Variants in NR5A2 observed in about 807,000 individuals in gnomAD.
NR5A2 encodes the protein CYP7A promoter-binding factor.
In NR5A2, 26 loss-of-function variants were observed where a neutral mutation model predicts 62.7. The ratio of observed to expected loss-of-function variants is 0.41; its 90% CI spans 0.30 to 0.58. NR5A2 has a LOEUF of 0.58. Ranked by LOEUF, NR5A2 falls within the 20% of genes least tolerant of loss-of-function variation. The pLI is 0.22. For missense variants in NR5A2, 541 were observed against 669.1 expected (o/e 0.81, Z 2.11); for synonymous variants, 246 against 241.7 (o/e 1.02, Z -0.16).
intron 5 of NR5A2, among the ~76,000 whole-genome samples, chr1:200,085,813 A>C (rs1664498257): frequency 6.6e-6 from 1 of 152,244 alleles, no homozygotes; most frequent in South Asian, 2.1e-4. Flanking sequence ...TTTCCAAAAC[A>C]AAAATTACAT....
intron 5 of NR5A2, among the ~76,000 whole-genome samples, chr1:200,099,001 C>T (rs1665240080): frequency 6.6e-6 from 1 of 152,220 alleles, no homozygotes; most frequent in Admixed American, 6.5e-5. Context: ...TCAATTGCTA[C>T]TACTTTCTAT....
intron 5 of NR5A2, among the ~76,000 whole-genome samples, chr1:200,069,970 G>T (rs1477350420): frequency 6.6e-6 from 1 of 151,988 alleles, no homozygotes; most frequent in Non-Finnish European, 1.5e-5. Context: ...GCTCTCCAGA[G>T]CTGTAAGTTC....
chr1:200,127,493 A>G (rs941837914), intron 7 of NR5A2, among the ~76,000 whole-genome samples: 8 of 151,452 alleles, frequency 5.3e-5, no homozygotes, highest in Non-Finnish European at 1.2e-4. Context: ...CCTGGTCAAC[A>G]TGGTGAAACC....
chr1:200,087,577 A>G (rs1314152000), intron 5 of NR5A2, among the ~76,000 whole-genome samples: 3 of 150,886 alleles, frequency 2.0e-5, no homozygotes, highest in Non-Finnish European at 2.9e-5. Context: ...TTGTATTTTC[A>G]GTAGAGACAG....
intron 5 of NR5A2, among the ~76,000 whole-genome samples, chr1:200,068,533 A>G (rs1035530753): frequency 5.3e-5 from 8 of 152,220 alleles, no homozygotes; most frequent in Non-Finnish European, 1.0e-4. Flanking sequence ...AGCCCAAGTC[A>G]GTGGTCCCTT....
At position 200,048,386 on chromosome 1, in the gene NR5A2, C is replaced by A; in HGVS notation, c.678C>A (p.Asn226Lys). ...IHSASKGLPLNHAALPPTDYD... is the reference protein window; with the variant it reads ...IHSASKGLPLKHAALPPTDYD... ...CTGCCTCCAAAGGCCTACCTCTGAA[C>A]CATGCTGCCTTGCCTCCTACAGACT... The change falls in exon 5 of 8, where the codon AAC becomes AAA. Residue 226 changes from asparagine to lysine, a missense_variant. Physicochemically the swap from Asn to Lys is moderately conservative, Grantham distance 94 (BLOSUM62 0). Coordinates refer to ENST00000367362, the MANE Select transcript of NR5A2 (RefSeq NM_205860.3). The surrounding 1 kb of genome is among the most constrained non-coding windows in gnomAD (Gnocchi z 4.8). 1.2e-6 allele frequency: 2 copies of A among 1,614,208 alleles called. No individual in the cohort carries two copies. The highest frequency in any genetic ancestry group is 1.1e-5 in the South Asian group (1 of 91,088).
At chr1:200,073,905 A>T (rs1321054492) in intron 5 of NR5A2, among the ~76,000 whole-genome samples, 1 of 152,178 alleles carries the variant, frequency 6.6e-6, no homozygotes, top group African/African-American at 2.4e-5. Flanking sequence ...AGAATGGGCA[A>T]TGGGTGTATA....
At chr1:200,143,638 ATTTT>A (rs11285826) in intron 7 of NR5A2, among the ~76,000 whole-genome samples, 3 of 103,292 alleles carry the variant, frequency 2.9e-5, no homozygotes, top group Admixed American at 1.1e-4. Context: ...ATTGTTCATA[ATTTT>A]TTTTTTTTTT....
At chr1:200,088,230 T>TG (rs2102247474) in intron 5 of NR5A2, among the ~76,000 whole-genome samples, 1 of 150,184 alleles carries the variant, frequency 6.7e-6, no homozygotes, top group African/African-American at 2.5e-5. Flanking sequence ...TTGTTGTTGT[T>TG]TTTGTTTTTG....
At chr1:200,065,385 C>G (rs2816915) in intron 5 of NR5A2, among the ~76,000 whole-genome samples, 1 of 151,996 alleles carries the variant, frequency 6.6e-6, no homozygotes, top group African/African-American at 2.4e-5. Flanking sequence ...CTCAGGTGAT[C>G]CACCACCTCG....
At chr1:200,117,774 C>T (rs893671513) in intron 6 of NR5A2, among the ~76,000 whole-genome samples, 20 of 151,538 alleles carry the variant, frequency 1.3e-4, no homozygotes, top group African/African-American at 3.6e-4. Context: ...AGTGCAATGG[C>T]GCAATCTCGG....
chr1:200,079,067 A>G (rs1409308772), intron 5 of NR5A2, among the ~76,000 whole-genome samples: 1 of 152,212 alleles, frequency 6.6e-6, no homozygotes, highest in African/African-American at 2.4e-5. Flanking sequence ...CATGTTACAG[A>G]AATGGCCCCA....
intron 5 of NR5A2, among the ~76,000 whole-genome samples, chr1:200,058,682 T>C (rs1012665125): frequency 6.8e-6 from 1 of 147,274 alleles, no homozygotes; most frequent in African/African-American, 2.5e-5. Context: ...TTTCACCACG[T>C]TGGCCAGGCT....
At position 200,074,135 on chromosome 1, in the gene NR5A2, CA is replaced by C. The variant is rs542586714; in HGVS notation, c.1110+25319del. Among the ~76,000 whole-genome samples, 569 of 152,194 alleles carry C rather than the reference CA, an allele frequency of 3.7e-3. 6 individuals are homozygous for C. Among genetic ancestry groups the C allele is most frequent in the African/African-American group, 0.013 (542 of 41,546 alleles). On this transcript the variant is annotated intron_variant, in intron 5 of 7. Coordinates refer to ENST00000367362, the MANE Select transcript of NR5A2 (RefSeq NM_205860.3). ...AAAGTATGCTAAAAAGCATAAAAAA[CA>C]ATATAAATAGTCTATTAGTAATGAA...
At chr1:200,126,541 A>T (rs926101016) in intron 7 of NR5A2, among the ~76,000 whole-genome samples, 2 of 152,204 alleles carry the variant, frequency 1.3e-5, no homozygotes, top group African/African-American at 4.8e-5. Flanking sequence ...GGAATTGAAA[A>T]TAATTAGCTA....
chr1:200,157,262 A>T (rs1389741594), intron 7 of NR5A2, among the ~76,000 whole-genome samples: 1 of 152,226 alleles, frequency 6.6e-6, no homozygotes, highest in Non-Finnish European at 1.5e-5. Flanking sequence ...AAATCACTTC[A>T]ATGCAAGTAT....
At chr1:200,051,202 A>T (rs1055414030) in intron 5 of NR5A2, among the ~76,000 whole-genome samples, 2 of 152,200 alleles carry the variant, frequency 1.3e-5, no homozygotes, top group African/African-American at 4.8e-5. Context: ...TAATTATTTT[A>T]AAAAATAAAG....
At chr1:200,057,167 C>T (rs1440118835) in intron 5 of NR5A2, among the ~76,000 whole-genome samples, 1 of 152,118 alleles carries the variant, frequency 6.6e-6, no homozygotes, top group African/African-American at 2.4e-5. Flanking sequence ...CCTTTAAGAC[C>T]TGTTGGAAAA....
At chr1:200,051,469 C>T (rs1464980448) in intron 5 of NR5A2, among the ~76,000 whole-genome samples, 1 of 152,020 alleles carries the variant, frequency 6.6e-6, no homozygotes, top group African/African-American at 2.4e-5. Flanking sequence ...CATATAAAAG[C>T]ATTTTTCAAT....
Sources: allele counts gnomAD v4.1 joint callset (sites outside exome capture counted in the v4.1 genomes callset), GRCh38; gene constraint gnomAD v4.1.1; non-coding constraint Gnocchi (gnomAD v3.1); transcripts MANE v1.5; gene names NCBI Gene and HGNC (gene_info 2026-07-23, HGNC 2026-07-21).